Variants in FOXP2 observed in about 807,000 individuals in gnomAD.
The protein encoded by FOXP2 is forkhead box protein P2.
FOXP2 carries 12 observed loss-of-function variants against 115.8 expected under a neutral mutation model. That is an observed-to-expected ratio of 0.10 (90% CI 0.07 to 0.17). The LOEUF (loss-of-function observed/expected upper bound fraction) is 0.17. Among genes scored for constraint, FOXP2 ranks in the 10% least tolerant of loss-of-function variants. The pLI, the probability that FOXP2 is intolerant of heterozygous loss-of-function variation, is 1.00. For missense variants in FOXP2, 629 were observed against 843.5 expected (o/e 0.75, Z 3.15); for synonymous variants, 328 against 297.7 (o/e 1.10, Z -1.05).
At chr7:114,117,318 T>C (rs898132850) in intron 1 of FOXP2, among the ~76,000 whole-genome samples, 1 of 151,562 alleles carries the variant, frequency 6.6e-6, no homozygotes, top group Non-Finnish European at 1.5e-5. Context: ...GCTTCCTGGG[T>C]TCAAGTGATT....
intron 2 of FOXP2, among the ~76,000 whole-genome samples, chr7:114,443,792 T>C (rs1452806176): frequency 6.6e-6 from 1 of 152,224 alleles, no homozygotes; most frequent in Non-Finnish European, 1.5e-5. Flanking sequence ...ATTGTGTGTA[T>C]GTACCACATT....
At chr7:114,282,053 A>G (rs1326674149) in intron 1 of FOXP2, among the ~76,000 whole-genome samples, 1 of 152,194 alleles carries the variant, frequency 6.6e-6, no homozygotes. Flanking sequence ...CTCAGTGGTA[A>G]TTAAAGTACC....
At chr7:114,512,696 A>G (rs1798133600) in intron 2 of FOXP2, among the ~76,000 whole-genome samples, 1 of 152,208 alleles carries the variant, frequency 6.6e-6, no homozygotes, top group Admixed American at 6.5e-5. Context: ...TTTTTAAGCC[A>G]TAATTTTGTT....
At chr7:114,092,774 T>A (rs1799569074) in intron 1 of FOXP2, among the ~76,000 whole-genome samples, 1 of 152,180 alleles carries the variant, frequency 6.6e-6, no homozygotes, top group Non-Finnish European at 1.5e-5. Flanking sequence ...CAAATTTATG[T>A]TCCAGGATTT....
chr7:114,502,708 C>T (rs1195063089), intron 2 of FOXP2, among the ~76,000 whole-genome samples: 2 of 152,118 alleles, frequency 1.3e-5, no homozygotes, highest in South Asian at 4.1e-4. Flanking sequence ...ACAATACAGA[C>T]GGTTTTCATC....
chr7:114,352,531 A>C (rs1160637886), intron 2 of FOXP2, among the ~76,000 whole-genome samples: 1 of 152,182 alleles, frequency 6.6e-6, no homozygotes, highest in East Asian at 1.9e-4. Flanking sequence ...AAACTAACAG[A>C]CTAAGTAGCT....
chr7:114,304,984 A>G (rs534676684), intron 2 of FOXP2, among the ~76,000 whole-genome samples: 1 of 152,292 alleles, frequency 6.6e-6, no homozygotes, highest in African/African-American at 2.4e-5. Context: ...TAAATATTTT[A>G]TAAAATTTTT....
At chr7:114,429,425 A>G (rs900427819) in intron 2 of FOXP2, among the ~76,000 whole-genome samples, 3 of 151,462 alleles carry the variant, frequency 2.0e-5, no homozygotes, top group South Asian at 2.1e-4. Context: ...TCTCTCCTTC[A>G]TTCCTTTCTA....
At chr7:114,111,383 T>C (rs115934068) in intron 1 of FOXP2, among the ~76,000 whole-genome samples, 374 of 152,216 alleles carry the variant, frequency 2.5e-3, no homozygotes, top group African/African-American at 8.5e-3. Context: ...GCTCTACCCC[T>C]ACCTGCCCCA....
intron 16 of FOXP2, among the ~76,000 whole-genome samples, chr7:114,683,506 C>T (rs550650899): frequency 6.6e-6 from 1 of 152,256 alleles, no homozygotes; most frequent in South Asian, 2.1e-4. Context: ...AATAACGTTA[C>T]ATTAGACCCA....
intron 2 of FOXP2, among the ~76,000 whole-genome samples, chr7:114,512,675 A>G (rs1438554999): frequency 6.6e-6 from 1 of 152,210 alleles, no homozygotes; most frequent in African/African-American, 2.4e-5. Context: ...GGAGAATAGG[A>G]TAATCTCAAT....
chr7:114,333,050 C>T (rs930877519), intron 2 of FOXP2, among the ~76,000 whole-genome samples: 1 of 151,776 alleles, frequency 6.6e-6, no homozygotes, highest in Non-Finnish European at 1.5e-5. Context: ...CAAAACGAAA[C>T]AGTCTGCAAG....
At chr7:114,255,879 T>A (rs1265284541) in intron 1 of FOXP2, among the ~76,000 whole-genome samples, 5 of 152,162 alleles carry the variant, frequency 3.3e-5, no homozygotes, top group African/African-American at 1.2e-4. Flanking sequence ...ATCTTCTGCA[T>A]TGCTCACGCT....
chr7:114,423,675 A>T (rs757663672), intron 1 of FOXP2, among the ~76,000 whole-genome samples: 1 of 151,668 alleles, frequency 6.6e-6, no homozygotes, highest in Non-Finnish European at 1.5e-5. Context: ...ATCCACTCTG[A>T]AAGAATATGC....
intron 1 of FOXP2, among the ~76,000 whole-genome samples, chr7:114,246,250 A>T (rs1003956943): frequency 6.6e-5 from 10 of 152,122 alleles, no homozygotes; most frequent in African/African-American, 2.4e-4. Context: ...AGAGCCCTTT[A>T]ATCAGTTTAT....
chr7:114,544,052 C>T (rs1364509909), intron 3 of FOXP2, among the ~76,000 whole-genome samples: 1 of 152,002 alleles, frequency 6.6e-6, no homozygotes, highest in Non-Finnish European at 1.5e-5. Context: ...GGCAAAGTCT[C>T]ACTATGTTGC....
intron 3 of FOXP2, chr7:114,561,283 C>G (rs1043810102): frequency 2.6e-5 from 4 of 152,112 alleles, no homozygotes; most frequent in African/African-American, 9.7e-5. Flanking sequence ...TAGACTGCAG[C>G]CTTGTTTTAA....
chr7:114,139,218 C>T (rs968157466), intron 1 of FOXP2, among the ~76,000 whole-genome samples: 18 of 151,964 alleles, frequency 1.2e-4, no homozygotes, highest in South Asian at 4.2e-4. Context: ...CATGTTAGAG[C>T]GGAAAAAAAT....
At chr7:114,331,097 G>A (rs1159757303) in intron 2 of FOXP2, among the ~76,000 whole-genome samples, 1 of 152,036 alleles carries the variant, frequency 6.6e-6, no homozygotes, top group African/African-American at 2.4e-5. Flanking sequence ...CTCATCCATT[G>A]TTATTTAAAT....
Sources: gnomAD v4.1 joint callset for allele counts (sites outside exome capture counted in the v4.1 genomes callset) on GRCh38, gnomAD v4.1.1 for gene constraint, MANE v1.5 for transcripts, NCBI Gene and HGNC (gene_info 2026-07-23, HGNC 2026-07-21) for gene names.